The following ATP6V1H variants were observed in gnomAD, a reference collection of about 807,000 sequenced individuals.
ATP6V1H encodes the protein ATPase H+ transporting V1 subunit H, also known as V-type proton ATPase subunit H.
A neutral mutation model predicts 71.7 loss-of-function variants in ATP6V1H; 39 were observed. The ratio of observed to expected loss-of-function variants is 0.54; its 90% confidence interval spans 0.42 to 0.71. The LOEUF (loss-of-function observed/expected upper bound fraction) is 0.71, where lower values mean the gene tolerates loss of function less well. Among genes scored for constraint, ATP6V1H ranks in the 30% least tolerant of loss-of-function variants. The pLI, the probability that ATP6V1H is intolerant of heterozygous loss-of-function variation, is 0.00. For missense variants in ATP6V1H, 509 were observed against 594.9 expected (o/e 0.86, Z 1.50); for synonymous variants, 192 against 199.3 (o/e 0.96, Z 0.31).
chr8:53,744,353 T>C (rs1247755706), intron 12 of ATP6V1H, among the ~76,000 whole-genome samples: 1 of 152,042 alleles, frequency 6.6e-6, no homozygotes, highest in Non-Finnish European at 1.5e-5. Flanking sequence ...AATCCACTTA[T>C]TACAAACACA....
Position 53,831,146 on chromosome 8 carries a change from T to C in ATP6V1H, c.217-1613A>G, listed in dbSNP as rs116321060. Among the ~76,000 whole-genome samples, 707 of 152,274 alleles carry C rather than the reference T, an allele frequency of 4.6e-3. 7 individuals are homozygous for C. The highest frequency in any genetic ancestry group is 0.016 in the African/African-American group (650 of 41,552). On this transcript the variant is annotated intron_variant, in intron 3 of 13. Transcript: ENST00000359530. ...TCCATAGAAAAGTAAATAAAAAACA[T>C]ACAGCCATGTGTCACTTAACAATGG...
intron 10 of ATP6V1H, 115 bp from the exon 11 acceptor site, chr8:53,769,858 T>C (rs1808593216): frequency 2.2e-6 from 2 of 908,678 alleles, no homozygotes; most frequent in Non-Finnish European, 3.2e-6. Flanking sequence ...CCATCCTTTG[T>C]ACATTAAAAA....
At chr8:53,795,977 A>T in intron 8 of ATP6V1H, 138 bp from the exon 9 acceptor site, 1 of 739,606 alleles carries the variant, frequency 1.4e-6, no homozygotes, top group Non-Finnish European at 2.1e-6. Context: ...AATAACAAGC[A>T]GCTAGATTGC....
intron 2 of ATP6V1H, among the ~76,000 whole-genome samples, chr8:53,837,454 C>G (rs772051430): frequency 2.0e-5 from 3 of 150,396 alleles, no homozygotes; most frequent in Admixed American, 6.6e-5. Flanking sequence ...ATCTTGAAAA[C>G]ACACACACAT....
intron 4 of ATP6V1H, among the ~76,000 whole-genome samples, chr8:53,820,672 AAAAAAAAAAAG>A (rs1312584344): frequency 1.5e-4 from 23 of 151,490 alleles, no homozygotes; most frequent in African/African-American, 5.3e-4. Flanking sequence ...ATCTCAAAAA[AAAAAAAAAAAG>A]AAAAGAAAAC....
intron 9 of ATP6V1H, among the ~76,000 whole-genome samples, chr8:53,779,660 T>C (rs1215589778): frequency 6.6e-6 from 1 of 152,034 alleles, no homozygotes; most frequent in Non-Finnish European, 1.5e-5. Context: ...TGTTAACCTC[T>C]TACTTATAAA....
chr8:53,759,928 T>G (rs142962536), intron 11 of ATP6V1H, among the ~76,000 whole-genome samples: 1 of 152,254 alleles, frequency 6.6e-6, no homozygotes, highest in Non-Finnish European at 1.5e-5. Context: ...AAGACCAGTA[T>G]GCATGATGCT....
At chr8:53,827,419 T>A (rs759814079) in intron 4 of ATP6V1H, among the ~76,000 whole-genome samples, 3 of 151,676 alleles carry the variant, frequency 2.0e-5, no homozygotes, top group Non-Finnish European at 4.4e-5. Flanking sequence ...AATAATGAAA[T>A]GCACAAGGAT....
intron 9 of ATP6V1H, among the ~76,000 whole-genome samples, chr8:53,778,352 T>G (rs1475435029): frequency 6.6e-6 from 1 of 152,224 alleles, no homozygotes; most frequent in Non-Finnish European, 1.5e-5. Context: ...TTTGAATTAT[T>G]ATCTTCTAGC....
intron 13 of ATP6V1H, among the ~76,000 whole-genome samples, chr8:53,741,348 A>AT (rs2130176811): frequency 6.6e-6 from 1 of 152,332 alleles, no homozygotes; most frequent in East Asian, 1.9e-4. Flanking sequence ...AGGAATATAC[A>AT]TTTTTTAAAA....
At chr8:53,767,586 A>G (rs1167093451) in intron 11 of ATP6V1H, among the ~76,000 whole-genome samples, 4 of 152,216 alleles carry the variant, frequency 2.6e-5, no homozygotes, top group Admixed American at 1.3e-4. Flanking sequence ...CTGACTATAA[A>G]GCAACAGCAA....
chr8:53,816,053 C>A (rs372277844), intron 5 of ATP6V1H, among the ~76,000 whole-genome samples: 1 of 152,176 alleles, frequency 6.6e-6, no homozygotes, highest in Admixed American at 6.5e-5. Context: ...CAAGCCTCTA[C>A]AATTTTAAAG....
In ATP6V1H at chr8:53,769,639, T is replaced by C; in HGVS notation, c.1154A>G (p.Glu385Gly). 1.2e-6 allele frequency: 2 copies of C among 1,612,788 alleles called. No homozygotes were observed. The highest frequency in any genetic ancestry group is 1.7e-6 in the Non-Finnish European group (2 of 1,179,294). ...FWRENAVRLNEKNYELLKILT... is the reference protein window; with the variant it reads ...FWRENAVRLNGKNYELLKILT... ...TTACTTCAAGAGTTCATAATTCTTC[T>C]CATTTAACCTCACAGCATTCTCTCT... The change falls in exon 11 of 14, where the codon GAG becomes GGG. Residue 385 changes from glutamate (E) to glycine (G), a missense_variant. Physicochemically the swap from Glu to Gly is moderately conservative, Grantham distance 98. Around this residue, in one of 2 missense-constraint regions of ATP6V1H, gnomAD observed 212 missense variants for 291.6 expected, o/e 0.73. Coordinates refer to ENST00000359530, the MANE Select transcript of ATP6V1H (RefSeq NM_015941.4).
rs113557843 is a variant in ATP6V1H at position 53,741,641 on chromosome 8, G to A, written c.1391+1936C>T. ...GATTTATGTTGAAAAATCTGGCTTGGGGTAAAGTGAAGTAAGGAGAGAAAT... is the reference window on the plus strand; with the variant it reads ...GATTTATGTTGAAAAATCTGGCTTGAGGTAAAGTGAAGTAAGGAGAGAAAT... On this transcript the variant is annotated intron_variant, in intron 13 of 13. Transcript: ENST00000359530. Among the ~76,000 whole-genome samples the A allele has an allele frequency of 2.3e-3, 351 of 152,246 alleles. 2 individuals are homozygous for A. Among genetic ancestry groups the A allele is most frequent in the African/African-American group, 7.9e-3 (330 of 41,532 alleles).
chr8:53,839,614 T>C, intron 2 of ATP6V1H: 1 of 985,438 alleles, frequency 1.0e-6, no homozygotes. Context: ...ACTTATCACC[T>C]ACAAACTCAC....
At chr8:53,739,730 T>C (rs1638407239) in intron 13 of ATP6V1H, 1 of 152,260 alleles carries the variant, frequency 6.6e-6, no homozygotes, top group South Asian at 2.1e-4. Context: ...TCACTGTTTA[T>C]ATATTCTGCC....
At chr8:53,766,678 C>A (rs529639540) in intron 11 of ATP6V1H, among the ~76,000 whole-genome samples, 4 of 152,114 alleles carry the variant, frequency 2.6e-5, no homozygotes, top group African/African-American at 9.7e-5. Context: ...ACTGGCCCCC[C>A]CAGGGTGTAC....
At chr8:53,777,307 T>C (rs1808925644) in intron 9 of ATP6V1H, among the ~76,000 whole-genome samples, 2 of 151,504 alleles carry the variant, frequency 1.3e-5, no homozygotes, top group South Asian at 4.2e-4. Flanking sequence ...ATAGTAAAAT[T>C]TTCAAAGCAA....
chr8:53,734,528 ACT>A (rs1807130283), intron 13 of ATP6V1H, among the ~76,000 whole-genome samples: 1 of 152,148 alleles, frequency 6.6e-6, no homozygotes, highest in Non-Finnish European at 1.5e-5. Flanking sequence ...ATCTACACTG[ACT>A]CTCAGTATGC....
Sources: gnomAD v4.1 joint callset for allele counts (sites outside exome capture counted in the v4.1 genomes callset) on GRCh38, gnomAD v4.1.1 for gene constraint, gnomAD v4.1.1 regional missense constraint, MANE v1.5 for transcripts, NCBI Gene and HGNC (gene_info 2026-07-23, HGNC 2026-07-21) for gene names.